Variants in KIRREL3 observed in about 807,000 individuals in gnomAD.
The protein encoded by KIRREL3 is kirre like nephrin family adhesion molecule 3, also known as kin of IRRE-like protein 3.
Under a neutral mutation model 89.7 loss-of-function variants are expected in KIRREL3, and 36 were observed. The observed-to-expected ratio is 0.40, with a 90% confidence interval of 0.31 to 0.53. The LOEUF (loss-of-function observed/expected upper bound fraction) is 0.53, where lower values mean the gene tolerates loss of function less well. Ranked by LOEUF, KIRREL3 falls within the 20% of genes least tolerant of loss-of-function variation. KIRREL3 has a pLI of 0.49. For missense variants in KIRREL3, 864 were observed against 1,056.6 expected (o/e 0.82, Z 2.53); for synonymous variants, 445 against 441.4 (o/e 1.01, Z -0.10).
rs548193218 is a variant in KIRREL3 at position 126,787,647 on chromosome 11, T to C, written c.55+212808A>G. Among the ~76,000 whole-genome samples, 5 of 152,336 alleles carry C rather than the reference T, an allele frequency of 3.3e-5. No homozygotes were observed. In the East Asian group the frequency reaches 9.6e-4, roughly 29 times the overall value. On this transcript the variant is annotated intron_variant, in intron 1 of 16. Coordinates refer to ENST00000525144, the MANE Select transcript of KIRREL3 (RefSeq NM_032531.4). ...GGTTAGATGGAAGGGATGGTACAGC[T>C]TGGACAGCCAGCCTCCGGAATATAA...
chr11:126,818,888 A>G (rs908609408), intron 1 of KIRREL3, among the ~76,000 whole-genome samples: 2 of 152,148 alleles, frequency 1.3e-5, no homozygotes, highest in Admixed American at 6.5e-5. Context: ...TTCCTTAGAC[A>G]TGAGACATGT....
At chr11:126,738,194 G>A (rs553016785) in intron 1 of KIRREL3, among the ~76,000 whole-genome samples, 24 of 152,232 alleles carry the variant, frequency 1.6e-4, no homozygotes, top group African/African-American at 4.6e-4. Context: ...AACAAAATCC[G>A]ACGCATTTTC....
chr11:126,693,579 G>A (rs988904899), intron 1 of KIRREL3, among the ~76,000 whole-genome samples: 7 of 150,294 alleles, frequency 4.7e-5, no homozygotes, highest in Non-Finnish European at 8.9e-5. Flanking sequence ...TGTTACATCT[G>A]TATGCACATG....
chr11:126,828,225 A>C lies in KIRREL3; in HGVS notation c.55+172230T>G, dbSNP rs147518882. 2.6e-5 allele frequency among the ~76,000 whole-genome samples: 4 copies of C among 152,318 alleles called. No homozygotes were observed. The East Asian group carries it at 5.8e-4, about 22-fold the overall frequency. On this transcript the variant is annotated intron_variant, in intron 1 of 16. Transcript: ENST00000525144. The stretch of plus-strand genomic sequence containing the variant: ...TGAGTGCTTTAACAAGCAGGGTCCC[A>C]GTTAATCCCAACGCCCACCCCCTAG...
At position 126,565,337 on chromosome 11, in the gene KIRREL3, T is replaced by C. The variant is rs73635333; in HGVS notation, c.56-2425A>G. On this transcript the variant is annotated intron_variant, in intron 1 of 16. Coordinates refer to ENST00000525144, the MANE Select transcript of KIRREL3 (RefSeq NM_032531.4). This position sits in a 1 kb window ranked among gnomAD's most constrained non-coding sequence, Gnocchi z 5.4. ...GAGAGGCTGTGTGGACAAGTGGTTA[T>C]GATATAATAACTAAGAGTCTCACTG... 0.031 allele frequency among the ~76,000 whole-genome samples: 4,724 copies of C among 152,264 alleles called. 237 individuals are homozygous for C. The highest frequency in any genetic ancestry group is 0.11 in the African/African-American group (4,370 of 41,542).
At chr11:126,928,744 T>G (rs1947820508) in intron 1 of KIRREL3, among the ~76,000 whole-genome samples, 1 of 152,200 alleles carries the variant, frequency 6.6e-6, no homozygotes, top group South Asian at 2.1e-4. Flanking sequence ...ATTTTTTTTC[T>G]TTTTAAAGTT....
intron 2 of KIRREL3, among the ~76,000 whole-genome samples, chr11:126,536,731 G>A (rs79835812): frequency 0.13 from 17,871 of 138,770 alleles, 1,292 homozygotes; most frequent in Middle Eastern, 0.21. Context: ...CGCAACCTCC[G>A]CCTCTTGGAT....
intron 1 of KIRREL3, among the ~76,000 whole-genome samples, chr11:126,882,681 G>A (rs141394458): frequency 0.015 from 2,220 of 152,324 alleles, 24 homozygotes; most frequent in Middle Eastern, 0.02. Flanking sequence ...GCCGATCTTT[G>A]ACATTCTCGA....
In KIRREL3 at chr11:126,723,597, A is replaced by C. The variant is rs1468837637; in HGVS notation, c.56-160685T>G. The stretch of plus-strand genomic sequence containing the variant: ...AAAATAAAGGCCTTAGTGGATCTCA[A>C]CTTCAGCAAACAGAACATTTTCTAC... On this transcript the variant is annotated intron_variant, in intron 1 of 16. Coordinates refer to ENST00000525144, the MANE Select transcript of KIRREL3 (RefSeq NM_032531.4). This position sits in a 1 kb window ranked among gnomAD's most constrained non-coding sequence, Gnocchi z 4.0. Among the ~76,000 whole-genome samples the C allele has an allele frequency of 6.6e-6, 1 of 152,210 alleles. No homozygotes were observed. The highest frequency in any genetic ancestry group is 2.4e-5 in the African/African-American group (1 of 41,458).
Position 126,622,575 on chromosome 11 carries a change from G to T in KIRREL3, c.56-59663C>A, listed in dbSNP as rs1943615947. 6.6e-6 allele frequency among the ~76,000 whole-genome samples: 1 copy of T among 152,168 alleles called. No individual in the cohort carries two copies. Among genetic ancestry groups the T allele is most frequent in the African/African-American group, 2.4e-5 (1 of 41,446 alleles). ...ATGGTGGCATGTGCCTGTAATCCCA[G>T]CTACTCAGGAGGCTGAGGCAGAAGA... On this transcript the variant is annotated intron_variant, in intron 1 of 16. Coordinates refer to ENST00000525144, the MANE Select transcript of KIRREL3 (RefSeq NM_032531.4). The surrounding 1 kb of genome is among the most constrained non-coding windows in gnomAD (Gnocchi z 5.2).
rs957721141 is a variant in KIRREL3, at chr11:126,772,711, C to A, written c.56-209799G>T. On this transcript the variant is annotated intron_variant, in intron 1 of 16. Coordinates refer to ENST00000525144, the MANE Select transcript of KIRREL3 (RefSeq NM_032531.4). This position sits in a 1 kb window ranked among gnomAD's most constrained non-coding sequence, Gnocchi z 4.6. ...CTCAGCCTTGAAAGCTCTGGAGAGG[C>A]CACAGGCCAGCAGGGAAGTCACTGC... Among the ~76,000 whole-genome samples the A allele has an allele frequency of 1.3e-5, 2 of 152,204 alleles. No homozygotes were observed. The highest frequency in any genetic ancestry group is 4.8e-5 in the African/African-American group (2 of 41,458).
intron 1 of KIRREL3, among the ~76,000 whole-genome samples, chr11:126,593,861 A>G (rs189980962): frequency 2.1e-3 from 323 of 152,228 alleles, no homozygotes; most frequent in Middle Eastern, 0.01. Flanking sequence ...AGGTTAGCCC[A>G]TTGCACCGTT....
rs772318773 is a variant in KIRREL3, at chr11:126,491,102, C to T, written c.434-17636G>A. ...GGAGGGCTTCAGATAATCCTGAAAC[C>T]GGAATCCCAAAGACAAGCCCTGAGT... On this transcript the variant is annotated intron_variant, in intron 4 of 16. Transcript: ENST00000525144. The surrounding 1 kb of genome is among the most constrained non-coding windows in gnomAD (Gnocchi z 5.5). 9.2e-5 allele frequency among the ~76,000 whole-genome samples: 14 copies of T among 152,180 alleles called. No homozygotes were observed. The highest frequency in any genetic ancestry group is 2.4e-4 in the African/African-American group (10 of 41,438).
rs1189014179 is a variant in KIRREL3, at chr11:126,640,936, C to T, written c.56-78024G>A. ...CTGATGTCTCTCAATTTTGTATCCA[C>T]AGCCTAGACCACCCCCTAAACTCTG... is the stretch of plus-strand genomic sequence containing the variant. On this transcript the variant is annotated intron_variant, in intron 1 of 16. Coordinates refer to ENST00000525144, the MANE Select transcript of KIRREL3 (RefSeq NM_032531.4). The surrounding 1 kb of genome is among the most constrained non-coding windows in gnomAD (Gnocchi z 4.9). Among the ~76,000 whole-genome samples, 1 of 152,170 alleles carries T rather than the reference C, an allele frequency of 6.6e-6. No homozygotes were observed. Among genetic ancestry groups the T allele is most frequent in the Non-Finnish European group, 1.5e-5 (1 of 68,042 alleles).
In KIRREL3 at chr11:126,778,583, C is replaced by A. The variant is rs920126455; in HGVS notation, c.56-215671G>T. Among the ~76,000 whole-genome samples, 1 of 152,288 alleles carries A rather than the reference C, an allele frequency of 6.6e-6. No homozygotes were observed. Among genetic ancestry groups the A allele is most frequent in the Admixed American group, 6.5e-5 (1 of 15,300 alleles). Reference sequence around the variant, plus strand: ...TTTACTGAAATCTTTGCACACATCCCAGATTTTTCCTTCGTTTGAATTTCT... The same window carrying A: ...TTTACTGAAATCTTTGCACACATCCAAGATTTTTCCTTCGTTTGAATTTCT... On this transcript the variant is annotated intron_variant, in intron 1 of 16. Transcript: ENST00000525144. This position sits in a 1 kb window ranked among gnomAD's most constrained non-coding sequence, Gnocchi z 4.5.
chr11:126,793,906 G>A (rs1950723361), intron 1 of KIRREL3, among the ~76,000 whole-genome samples: 1 of 152,130 alleles, frequency 6.6e-6, no homozygotes, highest in African/African-American at 2.4e-5. Context: ...CCACTACCTA[G>A]ATTTTAATAG....
rs1160045433 is a variant in KIRREL3 at position 126,771,817 on chromosome 11, G to T, written c.56-208905C>A. 6.6e-6 allele frequency among the ~76,000 whole-genome samples: 1 copy of T among 152,230 alleles called. No individual in the cohort carries two copies. The highest frequency in any genetic ancestry group is 2.4e-5 in the African/African-American group (1 of 41,462). On this transcript the variant is annotated intron_variant, in intron 1 of 16. Transcript: ENST00000525144. This position sits in a 1 kb window ranked among gnomAD's most constrained non-coding sequence, Gnocchi z 4.4. ...ATTTGGCACTGGCTAATCCAGGTAG[G>T]CATGAATGGTATCTTGCAGACATCT... is the stretch of plus-strand genomic sequence containing the variant.
chr11:126,688,319 G>T (rs1453733154), intron 1 of KIRREL3, among the ~76,000 whole-genome samples: 3 of 152,194 alleles, frequency 2.0e-5, no homozygotes, highest in Admixed American at 6.5e-5. Flanking sequence ...TTGCAAATAA[G>T]TTGTTGACTG....
At chr11:126,670,088 T>A (rs1945867847) in intron 1 of KIRREL3, among the ~76,000 whole-genome samples, 1 of 152,202 alleles carries the variant, frequency 6.6e-6, no homozygotes. Context: ...TGTTCACTTC[T>A]CTGCACTGCC....
Sources: gnomAD v4.1 joint callset for allele counts (sites outside exome capture counted in the v4.1 genomes callset) on GRCh38, gnomAD v4.1.1 for gene constraint, Gnocchi (gnomAD v3.1) non-coding constraint, MANE v1.5 for transcripts, NCBI Gene and HGNC (gene_info 2026-07-23, HGNC 2026-07-21) for gene names.